Variants in FSAF1 observed in about 807,000 individuals in gnomAD.
FSAF1 encodes 40S small subunit processome assembly factor 1, also known as uncharacterized protein C1orf131.
chr1:231,226,623 T>C, the FSAF1 span: 1 of 908,434 alleles, frequency 1.1e-6, no homozygotes, highest in Admixed American at 2.0e-5. Context: ...GAGCATGGGA[T>C]CCTTTAACTC....
the FSAF1 span, among the ~76,000 whole-genome samples, chr1:231,239,785 A>G: frequency 6.6e-6 from 1 of 152,216 alleles, no homozygotes; most frequent in African/African-American, 2.4e-5. Context: ...CTGCTGATTT[A>G]TGCTTGCTAC....
chr1:231,235,787 A>T, the FSAF1 span, among the ~76,000 whole-genome samples: 1 of 152,218 alleles, frequency 6.6e-6, no homozygotes, highest in Non-Finnish European at 1.5e-5. Flanking sequence ...GGAGTGACAG[A>T]GTGACACCCT....
the FSAF1 span, chr1:231,226,701 C>T: frequency 6.5e-7 from 1 of 1,527,568 alleles, no homozygotes; most frequent in South Asian, 1.1e-5. Flanking sequence ...ATCCATCTTC[C>T]CATTCTAGTT....
the FSAF1 span, chr1:231,226,271 C>G: frequency 5.6e-6 from 1 of 179,164 alleles, no homozygotes; most frequent in Admixed American, 5.4e-5. Context: ...TTAAAAAGAG[C>G]CTGGCACCTC....
At chr1:231,235,907 G>A in the FSAF1 span, among the ~76,000 whole-genome samples, 1 of 152,192 alleles carries the variant, frequency 6.6e-6, no homozygotes, top group African/African-American at 2.4e-5. Context: ...TATAGCACAA[G>A]TTCTGGAAAA....
chr1:231,225,015 G>A, the FSAF1 span: 1 of 170,802 alleles, frequency 5.9e-6, no homozygotes, highest in African/African-American at 2.4e-5. Context: ...AAGACAAAAA[G>A]AGTCCATTCT....
At chr1:231,226,548 T>A in the FSAF1 span, 1 of 619,896 alleles carries the variant, frequency 1.6e-6, no homozygotes, top group Non-Finnish European at 2.9e-6. Flanking sequence ...AAAGCAAATC[T>A]TGCATGTAAG....
At chr1:231,238,775 T>C in the FSAF1 span, 1 of 1,346,684 alleles carries the variant, frequency 7.4e-7, no homozygotes, top group Admixed American at 2.2e-5. Context: ...CAGGCATTCC[T>C]GCCACAGTCT....
At chr1:231,240,634 C>T in the FSAF1 span, among the ~76,000 whole-genome samples, 1 of 152,036 alleles carries the variant, frequency 6.6e-6, no homozygotes, top group Non-Finnish European at 1.5e-5. The surrounding 1 kb of genome is among the most constrained non-coding windows in gnomAD (Gnocchi z 4.1). Flanking sequence ...CCAACAGGCC[C>T]GAGGCCCCAG....
the FSAF1 span, among the ~76,000 whole-genome samples, chr1:231,232,287 A>G: frequency 6.6e-5 from 10 of 152,288 alleles, no homozygotes; most frequent in East Asian, 1.9e-4. Flanking sequence ...CCAGGCACAC[A>G]GGCGACTCAC....
chr1:231,228,506 G>T, the FSAF1 span, among the ~76,000 whole-genome samples: 1 of 151,460 alleles, frequency 6.6e-6, no homozygotes, highest in Non-Finnish European at 1.5e-5. Context: ...GACTGAAGTC[G>T]GAGGATCACT....
At chr1:231,232,326 G>A in the FSAF1 span, among the ~76,000 whole-genome samples, 8 of 152,172 alleles carry the variant, frequency 5.3e-5, no homozygotes, top group East Asian at 1.3e-3. Context: ...TGCTAGGAAT[G>A]CCTAGGTGGC....
At chr1:231,224,477 C>A in the FSAF1 span, 1 of 1,513,736 alleles carries the variant, frequency 6.6e-7, no homozygotes, top group Non-Finnish European at 8.9e-7. Flanking sequence ...CATCACAGTA[C>A]CACCAACCAG....
chr1:231,241,121 A>G, the FSAF1 span: 7 of 1,613,082 alleles, frequency 4.3e-6, no homozygotes, highest in Non-Finnish European at 5.1e-6. Context: ...TTGTGGGGTC[A>G]GCCGAGGAAT....
the FSAF1 span, chr1:231,236,557 T>TCCTGAAGTC: frequency 6.6e-6 from 1 of 152,142 alleles, no homozygotes; most frequent in African/African-American, 2.4e-5. Context: ...GTTCTATTAT[T>TCCTGAAGTC]AAGCAACAGG....
At chr1:231,228,350 AC>A in the FSAF1 span, among the ~76,000 whole-genome samples, 1 of 152,100 alleles carries the variant, frequency 6.6e-6, no homozygotes, top group African/African-American at 2.4e-5. Context: ...TGTAATCCCA[AC>A]ACTTTGGGAG....
the FSAF1 span, among the ~76,000 whole-genome samples, chr1:231,228,683 ATAT>A: frequency 6.6e-6 from 1 of 151,834 alleles, no homozygotes; most frequent in Non-Finnish European, 1.5e-5. Context: ...TCATTTTTAG[ATAT>A]TATAAAACTG....
At chr1:231,233,074 A>G in the FSAF1 span, among the ~76,000 whole-genome samples, 4 of 152,218 alleles carry the variant, frequency 2.6e-5, no homozygotes, top group Non-Finnish European at 5.9e-5. Context: ...GCACTGGAGC[A>G]TGGAGGATTT....
chr1:231,229,250 T>C, the FSAF1 span: 2 of 1,286,790 alleles, frequency 1.6e-6, no homozygotes, highest in Non-Finnish European at 2.2e-6. Context: ...TGTTACTATA[T>C]CATTATAGTA....
Sources: allele counts gnomAD v4.1 joint callset (sites outside exome capture counted in the v4.1 genomes callset), GRCh38; gene constraint gnomAD v4.1.1; non-coding constraint Gnocchi (gnomAD v3.1); transcripts MANE v1.5; gene names NCBI Gene and HGNC (gene_info 2026-07-23, HGNC 2026-07-21).